The following STK33 variants were observed in gnomAD, a reference collection of about 807,000 sequenced individuals.
STK33 encodes the protein serine/threonine kinase 33.
A neutral mutation model predicts 58.0 loss-of-function variants in STK33; 52 were observed. The ratio of observed to expected loss-of-function variants is 0.90; its 90% CI spans 0.72 to 1.13. The LOEUF is 1.13. Ranked by LOEUF, STK33 falls within the 50% of genes most tolerant of loss-of-function variation. STK33 has a pLI of 0.00. For missense variants in STK33, 630 were observed against 604.2 expected (o/e 1.04, Z -0.45); for synonymous variants, 215 against 200.1 (o/e 1.07, Z -0.63).
chr11:8,343,889 A>G, the STK33 span, among the ~76,000 whole-genome samples: 1 of 151,668 alleles, frequency 6.6e-6, no homozygotes, highest in East Asian at 1.9e-4. Flanking sequence ...CACCTCACAT[A>G]GCTCCCATTC....
intron 4 of STK33, 60 bp from the exon 5 acceptor site, chr11:8,475,126 A>G: frequency 2.3e-6 from 1 of 427,786 alleles, no homozygotes; most frequent in South Asian, 6.0e-5. Context: ...CATCCTGGAA[A>G]TCAGAGAAAA....
chr11:8,563,703 G>A (rs1214209760), intron 1 of STK33, among the ~76,000 whole-genome samples: 2 of 152,170 alleles, frequency 1.3e-5, no homozygotes, highest in African/African-American at 4.8e-5. Context: ...CCTCAAGAGT[G>A]AGAACTGAAT....
chr11:8,587,054 T>G (rs917844053), intron 1 of STK33, among the ~76,000 whole-genome samples: 1 of 152,106 alleles, frequency 6.6e-6, no homozygotes, highest in East Asian at 1.9e-4. Context: ...CCTCAGTGAT[T>G]TGTGACAGAC....
chr11:8,584,903 CA>C (rs2031208087), intron 1 of STK33, among the ~76,000 whole-genome samples: 1 of 150,444 alleles, frequency 6.6e-6, no homozygotes, highest in Non-Finnish European at 1.5e-5. Context: ...GAAAATGCTA[CA>C]GACAAAAGAC....
intron 15 of STK33, among the ~76,000 whole-genome samples, chr11:8,401,278 C>A (rs1010135442): frequency 2.0e-5 from 3 of 152,026 alleles, no homozygotes; most frequent in South Asian, 4.1e-4. Context: ...GAGATATAGA[C>A]CAATGGAACA....
chr11:8,492,409 T>C (rs1258946170), intron 1 of STK33, among the ~76,000 whole-genome samples: 1 of 152,220 alleles, frequency 6.6e-6, no homozygotes, highest in Admixed American at 6.5e-5. Flanking sequence ...ATCCTAATTA[T>C]ATATGTACCC....
intron 6 of STK33, among the ~76,000 whole-genome samples, chr11:8,469,477 T>C (rs1948565552): frequency 6.6e-6 from 1 of 152,188 alleles, no homozygotes; most frequent in South Asian, 2.1e-4. Flanking sequence ...AGTTACTTTA[T>C]CCACTTAAGA....
chr11:8,513,325 T>G (rs912919856), intron 1 of STK33, among the ~76,000 whole-genome samples: 2 of 152,156 alleles, frequency 1.3e-5, no homozygotes, highest in African/African-American at 4.8e-5. Flanking sequence ...TCCCTTATGC[T>G]TGTGTGTAGC....
intron 1 of STK33, chr11:8,567,385 A>C (rs1404052067): frequency 1.3e-5 from 2 of 152,182 alleles, no homozygotes; most frequent in Admixed American, 1.3e-4. Context: ...GAACACAGTA[A>C]GGTACACAGT....
chr11:8,524,315 A>G (rs1197916874), intron 1 of STK33, among the ~76,000 whole-genome samples: 1 of 152,190 alleles, frequency 6.6e-6, no homozygotes, highest in Non-Finnish European at 1.5e-5. Context: ...CGATCAATAA[A>G]TACTATAAAA....
chr11:8,539,081 A>T (rs1246341485), intron 1 of STK33, among the ~76,000 whole-genome samples: 3 of 152,218 alleles, frequency 2.0e-5, no homozygotes, highest in Non-Finnish European at 2.9e-5. Flanking sequence ...TCCAAGAAGT[A>T]TCAGCTCCAG....
intron 1 of STK33, among the ~76,000 whole-genome samples, chr11:8,519,491 C>G (rs866598790): frequency 6.6e-6 from 1 of 152,080 alleles, no homozygotes; most frequent in Non-Finnish European, 1.5e-5. Flanking sequence ...TAACTAAGAT[C>G]AGAGCAGAAC....
the STK33 span, among the ~76,000 whole-genome samples, chr11:8,353,456 C>T: frequency 6.6e-6 from 1 of 152,212 alleles, no homozygotes; most frequent in African/African-American, 2.4e-5. Flanking sequence ...GGACAATCAG[C>T]AGCCCATCCA....
Position 8,530,157 on chromosome 11 carries a change from G to A in STK33, c.-465-49543C>T, listed in dbSNP as rs142452007. Among the ~76,000 whole-genome samples the A allele has an allele frequency of 5.3e-5, 8 of 152,248 alleles. 1 individual carries two copies. Among genetic ancestry groups the A allele is most frequent in the Non-Finnish European group, 1.0e-4 (7 of 68,022 alleles). On this transcript the variant is annotated intron_variant, in intron 1 of 15. Coordinates refer to ENST00000687296, the MANE Select transcript of STK33 (RefSeq NM_001352389.2). ...GTGTCCTGAAATCGAATAAGAATGTGTAGTATCAGTGCAAAATAAGTAATA... is the reference window on the plus strand; with the variant it reads ...GTGTCCTGAAATCGAATAAGAATGTATAGTATCAGTGCAAAATAAGTAATA...
At chr11:8,370,097 C>A in the STK33 span, among the ~76,000 whole-genome samples, 1,694 of 152,334 alleles carry the variant, frequency 0.011, 31 homozygotes, top group African/African-American at 0.038. Flanking sequence ...CACCTGCCCT[C>A]CCAAGGGCCA....
At chr11:8,421,070 CA>C (rs1383909268) in intron 14 of STK33, among the ~76,000 whole-genome samples, 4 of 151,690 alleles carry the variant, frequency 2.6e-5, no homozygotes, top group Admixed American at 6.6e-5. Context: ...ATTTCCAGTA[CA>C]AAAGCCTTTT....
intron 7 of STK33, among the ~76,000 whole-genome samples, chr11:8,462,438 T>TACACACAC (rs763733174): frequency 2.1e-4 from 23 of 110,832 alleles, no homozygotes; most frequent in South Asian, 1.0e-3. Flanking sequence ...CATATATACA[T>TACACACAC]ATATACACAC....
chr11:8,509,761 T>C (rs1250722568), intron 1 of STK33, among the ~76,000 whole-genome samples: 2 of 152,204 alleles, frequency 1.3e-5, no homozygotes, highest in African/African-American at 4.8e-5. Flanking sequence ...CATATGATAG[T>C]TGGTTTTCCT....
At chr11:8,368,846 T>C in the STK33 span, among the ~76,000 whole-genome samples, 1 of 152,182 alleles carries the variant, frequency 6.6e-6, no homozygotes, top group East Asian at 1.9e-4. Context: ...GATCAAGACA[T>C]GAAATAAGCA....
Sources: allele counts gnomAD v4.1 joint callset (sites outside exome capture counted in the v4.1 genomes callset), GRCh38; gene constraint gnomAD v4.1.1; transcripts MANE v1.5; gene names NCBI Gene and HGNC (gene_info 2026-07-23, HGNC 2026-07-21).